ERBB4: variants seen among roughly 807,000 people sequenced by gnomAD.
ERBB4 encodes receptor tyrosine-protein kinase erbB-4.
ERBB4 carries 42 observed loss-of-function variants against 158.0 expected under a neutral mutation model. That is an observed-to-expected ratio of 0.27 (90% CI 0.21 to 0.34). The LOEUF (loss-of-function observed/expected upper bound fraction) is 0.34, where lower values mean the gene tolerates loss of function less well. Among genes scored for constraint, ERBB4 ranks in the 10% least tolerant of loss-of-function variants. ERBB4 has a pLI of 1.00. For synonymous variants in ERBB4, 583 were observed against 558.7 expected (o/e 1.04, Z -0.61); for missense variants, 1,333 against 1,624.1 (o/e 0.82, Z 3.08).
chr2:212,326,549 G>A (rs370489298), intron 1 of ERBB4, among the ~76,000 whole-genome samples: 3 of 150,478 alleles, frequency 2.0e-5, no homozygotes, highest in Admixed American at 2.0e-4. Flanking sequence ...ACATATTTTC[G>A]CATCACATGG....
chr2:212,120,411 T>C (rs1404723035), intron 2 of ERBB4, among the ~76,000 whole-genome samples: 3 of 152,226 alleles, frequency 2.0e-5, no homozygotes, highest in African/African-American at 7.2e-5. Flanking sequence ...CAATAGTTCA[T>C]ATATGAAATT....
At chr2:211,702,923 ATTATTTACTTTTTTAC>A (rs1397117676) in intron 11 of ERBB4, among the ~76,000 whole-genome samples, 1 of 152,090 alleles carries the variant, frequency 6.6e-6, no homozygotes, top group East Asian at 1.9e-4. Context: ...CATTTTTGTA[ATTATTTACTTTTTTAC>A]TTATTTACTT....
chr2:212,208,178 G>A (rs1486880055), intron 1 of ERBB4, among the ~76,000 whole-genome samples: 2 of 152,024 alleles, frequency 1.3e-5, no homozygotes, highest in Admixed American at 6.6e-5. Flanking sequence ...AGGATTAGTC[G>A]CTTGTTTGTG....
At chr2:211,744,812 T>G (rs577116795) in intron 5 of ERBB4, among the ~76,000 whole-genome samples, 1 of 152,316 alleles carries the variant, frequency 6.6e-6, no homozygotes, top group Admixed American at 6.5e-5. Context: ...TTTTTAATAC[T>G]TTTTTCTCTT....
intron 2 of ERBB4, among the ~76,000 whole-genome samples, chr2:211,964,615 G>A (rs183522699): frequency 6.6e-6 from 1 of 152,174 alleles, no homozygotes; most frequent in Admixed American, 6.5e-5. Flanking sequence ...GCAGGTTCCA[G>A]TACTAAAATC....
intron 27 of ERBB4, 95 bp from the exon 28 acceptor site, chr2:211,384,155 CA>C (rs149051144): frequency 7.2e-6 from 6 of 834,154 alleles, no homozygotes; most frequent in South Asian, 1.5e-5. Flanking sequence ...TTGTCTAGAA[CA>C]AAAAAACCCA....
chr2:211,731,508 G>T (rs1200718603), intron 5 of ERBB4, among the ~76,000 whole-genome samples: 1 of 152,064 alleles, frequency 6.6e-6, no homozygotes, highest in African/African-American at 2.4e-5. Context: ...CTATTAGAGG[G>T]ATAAAAACAC....
chr2:211,414,448 A>T (rs2063336300), intron 25 of ERBB4, among the ~76,000 whole-genome samples: 1 of 147,312 alleles, frequency 6.8e-6, no homozygotes, highest in South Asian at 2.2e-4. Context: ...GTAAGCTGAG[A>T]TTGCGTCACT....
intron 2 of ERBB4, among the ~76,000 whole-genome samples, chr2:212,118,628 C>T: frequency 6.6e-6 from 1 of 151,906 alleles, no homozygotes. Flanking sequence ...TAATTATTAA[C>T]TAAAGACAAA....
chr2:211,766,722 G>T (rs771475205), intron 4 of ERBB4, among the ~76,000 whole-genome samples: 1 of 152,108 alleles, frequency 6.6e-6, no homozygotes, highest in Non-Finnish European at 1.5e-5. Context: ...GGAACCTAAC[G>T]CCGATCTGTG....
chr2:212,166,880 G>A (rs1366283064), intron 1 of ERBB4, among the ~76,000 whole-genome samples: 1 of 152,230 alleles, frequency 6.6e-6, no homozygotes, highest in South Asian at 2.1e-4. Flanking sequence ...GGGAAAACTG[G>A]CTAGCCATCT....
At chr2:212,393,855 A>T (rs1454637589) in intron 1 of ERBB4, among the ~76,000 whole-genome samples, 1 of 152,130 alleles carries the variant, frequency 6.6e-6, no homozygotes, top group East Asian at 1.9e-4. Flanking sequence ...TACTAGGCCA[A>T]TGAAATAGTA....
At position 211,623,934 on chromosome 2, in the gene ERBB4, TC is replaced by T; in HGVS notation, c.2189del (p.Gly730GlufsTer15). ...GTTTTTTACTTACTTTATAAACCGT[TC>T]CAAAAGCACCTGAGCCAAGGACTTT... is the stretch of plus-strand genomic sequence containing the variant. ...RVKVLGSGAF[G>X]TVYKGIWVPE... On this transcript the variant is annotated frameshift_variant, in exon 18 of 28. Coordinates refer to ENST00000342788, the MANE Select transcript of ERBB4 (RefSeq NM_005235.3). LOFTEE classifies it high-confidence loss of function. 6.2e-7 allele frequency: 1 copy of T among 1,614,144 alleles called. No individual in the cohort carries two copies. Among genetic ancestry groups the T allele is most frequent in the Non-Finnish European group, 8.5e-7 (1 of 1,179,998 alleles).
At chr2:212,312,756 G>C (rs1457983365) in intron 1 of ERBB4, among the ~76,000 whole-genome samples, 3 of 150,790 alleles carry the variant, frequency 2.0e-5, no homozygotes, top group African/African-American at 4.8e-5. Flanking sequence ...GAGTGAAGCA[G>C]TTTGGCTTTA....
chr2:212,146,806 G>A (rs1012815975), intron 1 of ERBB4, among the ~76,000 whole-genome samples: 1 of 152,182 alleles, frequency 6.6e-6, no homozygotes, highest in East Asian at 1.9e-4. Context: ...GATTTGGAAA[G>A]GCAGTAGCAG....
intron 3 of ERBB4, among the ~76,000 whole-genome samples, chr2:211,843,642 T>C (rs1285458890): frequency 1.8e-5 from 2 of 108,414 alleles, no homozygotes; most frequent in African/African-American, 6.7e-5. Context: ...AAGCTAGTTT[T>C]ATGTTTATCT....
chr2:212,001,271 T>C (rs756661195), intron 2 of ERBB4, among the ~76,000 whole-genome samples: 2 of 152,280 alleles, frequency 1.3e-5, no homozygotes, highest in African/African-American at 2.4e-5. Context: ...TTCATACCAA[T>C]AGGCAATACC....
At chr2:212,430,157 TATTA>T (rs940003362) in intron 1 of ERBB4, among the ~76,000 whole-genome samples, 5 of 152,332 alleles carry the variant, frequency 3.3e-5, no homozygotes, top group South Asian at 4.1e-4. Flanking sequence ...TGGCTTTGAA[TATTA>T]ATTGTTTTTC....
At chr2:211,751,622 A>G (rs554057522) in intron 4 of ERBB4, among the ~76,000 whole-genome samples, 2 of 152,300 alleles carry the variant, frequency 1.3e-5, no homozygotes, top group East Asian at 3.9e-4. Context: ...TGTTAATAGG[A>G]TTCTCCCATT....
Sources: allele counts gnomAD v4.1 joint callset (sites outside exome capture counted in the v4.1 genomes callset), GRCh38; gene constraint gnomAD v4.1.1; transcripts MANE v1.5; gene names NCBI Gene and HGNC (gene_info 2026-07-23, HGNC 2026-07-21).